The following ZNF253 variants were observed in gnomAD, a reference collection of about 807,000 sequenced individuals.
ZNF253 encodes the protein DNA-binding protein.
In ZNF253, 8 loss-of-function variants were observed where a neutral mutation model predicts 11.9. The ratio of observed to expected loss-of-function variants is 0.67; its 90% CI spans 0.40 to 1.22. The LOEUF (loss-of-function observed/expected upper bound fraction) is 1.22. Ranked by LOEUF, ZNF253 falls within the 50% of genes most tolerant of loss-of-function variation. ZNF253 has a pLI of 0.01. For missense variants in ZNF253, 485 were observed against 586.9 expected, an observed-to-expected ratio of 0.83 and a Z score of 1.79; for synonymous variants, 194 against 194.9, an observed-to-expected ratio of 1.00 and a Z score of 0.04.
rs566897713 is a variant in ZNF253, at chr19:19,866,092, C to T, written c.3+93C>T. The T allele has an allele frequency of 2.0e-6, 3 of 1,538,078 alleles. No individual in the cohort carries two copies. In the South Asian group the frequency reaches 3.4e-5, roughly 17 times the overall value. ...CGGGACTCTGCTTCCTCACAGTCAG[C>T]TCCACAATCTGCCGCCGGAGTTCTC... On this transcript the variant is annotated intron_variant, in intron 1 of 3. Coordinates refer to ENST00000589717, the MANE Select transcript of ZNF253 (RefSeq NM_021047.3).
intron 1 of ZNF253, among the ~76,000 whole-genome samples, chr19:19,868,426 C>G (rs2063120087): frequency 6.6e-6 from 1 of 152,108 alleles, no homozygotes; most frequent in Admixed American, 6.5e-5. Context: ...GCTAGTTATT[C>G]CAGCACCATT....
intron 3 of ZNF253, among the ~76,000 whole-genome samples, chr19:19,881,979 A>C (rs2063179808): frequency 1.3e-5 from 2 of 152,114 alleles, no homozygotes; most frequent in Non-Finnish European, 2.9e-5. Flanking sequence ...ACCTGAGGTC[A>C]GGAGTTCGAG....
At chr19:19,879,648 C>T (rs1208092617) in intron 2 of ZNF253, among the ~76,000 whole-genome samples, 1 of 152,082 alleles carries the variant, frequency 6.6e-6, no homozygotes, top group Non-Finnish European at 1.5e-5. Flanking sequence ...TCACAAATAA[C>T]GCCCAATAAA....
rs1372676795 is a variant in ZNF253 at position 19,892,847 on chromosome 19, C to T, written c.*100C>T. 1.3e-5 allele frequency: 14 copies of T among 1,106,068 alleles called. 1 individual carries two copies. In the South Asian group the frequency reaches 2.3e-4, roughly 18 times the overall value. The allele number at this position is 1,106,068 out of a possible 1,614,324, so 68.5% of individuals were successfully genotyped here. A position where few individuals can be genotyped will look rare whatever the true frequency, so the allele number is the denominator to read the frequency against. ...TTTGAGAGTTTATATGGAACACAAA[C>T]CCTACAAATATAAAGAATGTGACAA... On this transcript the variant is annotated 3_prime_UTR_variant, in exon 4 of 4. Transcript: ENST00000589717.
upstream of ZNF253, chr19:19,865,843 T>C: frequency 1.0e-6 from 1 of 986,246 alleles, no homozygotes; most frequent in Non-Finnish European, 1.6e-6. Context: ...CCACATGGTT[T>C]CTGGGGGCCT....
At chr19:19,869,023 T>C (rs1271188877) in intron 1 of ZNF253, among the ~76,000 whole-genome samples, 1 of 152,226 alleles carries the variant, frequency 6.6e-6, no homozygotes, top group East Asian at 1.9e-4. Context: ...TGCTTTATTT[T>C]TGCTTCTGAA....
rs1568496346 is a variant in ZNF253 at position 19,878,569 on chromosome 19, A to T, written c.92A>T (p.Asp31Val). 6.2e-7 allele frequency: 1 copy of T among 1,613,858 alleles called. No individual in the cohort carries two copies. The highest frequency in any genetic ancestry group is 1.3e-5 in the African/African-American group (1 of 74,980). Residue 31 changes from aspartate (D) to valine (V), a missense_variant, in exon 2 of 4, where the codon GAT becomes GTT. Transcript: ENST00000589717. ...LDTAQRNLYR[D>V]VMLENYRNLV... ...ACTGCACAGCGGAATTTATATAGGG[A>T]TGTGATGTTAGAGAACTACAGAAAC...
In ZNF253 at chr19:19,893,025, T is replaced by C; in HGVS notation, c.*278T>C. On this transcript the variant is annotated 3_prime_UTR_variant, in exon 4 of 4. Transcript: ENST00000589717. ...GGAGTTTCACTCTTGTCACCGAGGC[T>C]GGAGTGCAATGACATGATCTCCGTT... 1 of 356,972 alleles carries C rather than the reference T, an allele frequency of 2.8e-6. No individual in the cohort carries two copies. The highest frequency in any genetic ancestry group is 5.0e-6 in the Non-Finnish European group (1 of 199,422). 22.1% of individuals were successfully genotyped at this position (356,972 alleles called of 1,614,324 possible). A position where few individuals can be genotyped will look rare whatever the true frequency, so the allele number is the denominator to read the frequency against.
chr19:19,872,053 AGTCACTTC>A (rs1423089400), intron 1 of ZNF253, among the ~76,000 whole-genome samples: 3 of 152,164 alleles, frequency 2.0e-5, no homozygotes, highest in African/African-American at 7.2e-5. Flanking sequence ...AGTCCTCTAC[AGTCACTTC>A]TAGAGAGGCT....
intron 1 of ZNF253, among the ~76,000 whole-genome samples, chr19:19,868,342 C>T (rs917342514): frequency 1.3e-5 from 2 of 151,980 alleles, no homozygotes; most frequent in Non-Finnish European, 2.9e-5. Flanking sequence ...TCATTTAAGT[C>T]TTTAATTAAT....
At chr19:19,874,909 C>T (rs2063148911) in intron 1 of ZNF253, among the ~76,000 whole-genome samples, 1 of 151,444 alleles carries the variant, frequency 6.6e-6, no homozygotes, top group African/African-American at 2.4e-5. Flanking sequence ...GACTCCATCT[C>T]AAACAAACAA....
In ZNF253 at chr19:19,892,047, G is replaced by C. The variant is rs765183190; in HGVS notation, c.800G>C (p.Arg267Pro). ...KCEECGKAFN[R>P]STDLTTHKIV... ...GAAGAATGTGGCAAAGCCTTCAACC[G>C]ATCCACAGACCTTACTACACATAAG... is the stretch of plus-strand genomic sequence containing the variant. The change falls in exon 4 of 4, where the codon CGA becomes CCA. Residue 267 changes from arginine (R) to proline (P), a missense_variant. Around this residue, in one of 3 missense-constraint regions of ZNF253, gnomAD observed 232 missense variants for 321.4 expected, o/e 0.72. Transcript: ENST00000589717. The C allele has an allele frequency of 1.3e-6, 2 of 1,597,740 alleles. No individual in the cohort carries two copies. The highest frequency in any genetic ancestry group is 1.7e-6 in the Non-Finnish European group (2 of 1,174,890).
rs968085858 is a variant in ZNF253, at chr19:19,892,352, A to G, written c.1105A>G (p.Arg369Gly). 3.1e-6 allele frequency: 5 copies of G among 1,613,852 alleles called. No individual in the cohort carries two copies. In the African/African-American group the frequency reaches 5.3e-5, roughly 17 times the overall value. Residue 369 changes from arginine (R) to glycine (G), a missense_variant, in exon 4 of 4, where the codon AGA (arginine) becomes GGA (glycine). Transcript: ENST00000589717. ...KILHTGEKPY[R>G]CRECGKAFNH... ...ACTTCATACTGGAGAGAAACCCTACAGATGTAGAGAATGTGGCAAAGCTTT... is the reference window on the plus strand; with the variant it reads ...ACTTCATACTGGAGAGAAACCCTACGGATGTAGAGAATGTGGCAAAGCTTT...
intron 3 of ZNF253, among the ~76,000 whole-genome samples, chr19:19,885,977 T>C (rs1035190496): frequency 1.3e-5 from 2 of 152,154 alleles, no homozygotes; most frequent in South Asian, 2.1e-4. Flanking sequence ...AGTGTATAAT[T>C]TTAGTCTTTT....
At chr19:19,866,496 G>A (rs1396080336) in intron 1 of ZNF253, among the ~76,000 whole-genome samples, 6 of 138,800 alleles carry the variant, frequency 4.3e-5, no homozygotes, top group South Asian at 2.4e-4. Flanking sequence ...AAGAAAGGAA[G>A]GAAGGTTTTT....
chr19:19,881,116 C>T (rs1427403779), intron 3 of ZNF253, among the ~76,000 whole-genome samples: 1 of 152,018 alleles, frequency 6.6e-6, no homozygotes, highest in Non-Finnish European at 1.5e-5. Flanking sequence ...GATAATATGG[C>T]ACTTTATTAA....
At chr19:19,880,184 G>C (rs749607078) in intron 3 of ZNF253, 38 bp downstream of exon 3, 2 of 1,450,174 alleles carry the variant, frequency 1.4e-6, no homozygotes, top group South Asian at 2.5e-5. Flanking sequence ...AGATGACACA[G>C]ATAAAAGGTC....
At chr19:19,867,676 G>C (rs1437990843) in intron 1 of ZNF253, among the ~76,000 whole-genome samples, 2 of 152,176 alleles carry the variant, frequency 1.3e-5, no homozygotes, top group Non-Finnish European at 2.9e-5. Context: ...ACCATACCGT[G>C]TTTTCTTTAT....
At chr19:19,891,085 C>T (rs1035392278) in intron 3 of ZNF253, among the ~76,000 whole-genome samples, 4 of 151,994 alleles carry the variant, frequency 2.6e-5, no homozygotes, top group Non-Finnish European at 5.9e-5. Context: ...CATGATCCAC[C>T]CACCTCAGCC....
Sources: allele counts gnomAD v4.1 joint callset (sites outside exome capture counted in the v4.1 genomes callset), GRCh38; gene constraint gnomAD v4.1.1; regional missense constraint gnomAD v4.1.1; transcripts MANE v1.5; gene names NCBI Gene and HGNC (gene_info 2026-07-23, HGNC 2026-07-21).